VPS13A: variants seen among roughly 807,000 people sequenced by gnomAD.
VPS13A encodes vacuolar protein sorting 13 homolog A.
A neutral mutation model predicts 390.9 loss-of-function variants in VPS13A; 264 were observed. The observed-to-expected ratio is 0.68, with a 90% CI of 0.61 to 0.75. The LOEUF (loss-of-function observed/expected upper bound fraction) is 0.75, where lower values mean the gene tolerates loss of function less well. VPS13A is among the 30% of genes least tolerant of loss of function. The pLI is 0.00. For synonymous variants in VPS13A, 1,231 were observed against 1,227.1 expected (o/e 1.00, Z -0.07); for missense variants, 3,409 against 3,733.9 (o/e 0.91, Z 2.27).
chr9:77,237,264 CA>C, intron 17 of VPS13A, among the ~76,000 whole-genome samples: 1 of 152,206 alleles, frequency 6.6e-6, no homozygotes, highest in East Asian at 1.9e-4. Context: ...TAATTTTCAC[CA>C]GTTCTTTCCC....
At chr9:77,246,016 G>A (rs938885425) in intron 19 of VPS13A, among the ~76,000 whole-genome samples, 1 of 152,174 alleles carries the variant, frequency 6.6e-6, no homozygotes, top group South Asian at 2.1e-4. Flanking sequence ...CTAAAAGAGC[G>A]AGAACTCACT....
Position 77,214,376 on chromosome 9 carries a change from T to C in VPS13A, c.744T>C (p.Gly248=), listed in dbSNP as rs1304123164. The C allele has an allele frequency of 1.9e-6, 3 of 1,612,690 alleles. No homozygotes were observed. The South Asian group carries it at 3.3e-5, about 18-fold the overall frequency. ...TCAATGAAAATATTGTTCCAGAAGG[T>C]TATGATTTTGGTAAGTACATTTTAT... is the stretch of plus-strand genomic sequence containing the variant. ...GIVNENIVPE[G]YDFVFRPISA... Residue 248 remains glycine, a synonymous_variant, in exon 10 of 72, where the codon GGT becomes GGC. Transcript: ENST00000360280.
At chr9:77,207,226 T>TAG (rs1315140843) in intron 5 of VPS13A, among the ~76,000 whole-genome samples, 1 of 89,826 alleles carries the variant, frequency 1.1e-5, no homozygotes, top group Non-Finnish European at 2.3e-5. Context: ...TATATATATA[T>TAG]ATATATATAT....
intron 67 of VPS13A, among the ~76,000 whole-genome samples, chr9:77,372,064 G>T (rs1382400106): frequency 6.7e-6 from 1 of 150,298 alleles, no homozygotes; most frequent in Non-Finnish European, 1.5e-5. Flanking sequence ...TTGGACATTT[G>T]GGTTGGTTCC....
chr9:77,339,382 T>TTC (rs1483901702), intron 47 of VPS13A, 134 bp from the exon 48 acceptor site: 1 of 808,020 alleles, frequency 1.2e-6, no homozygotes, highest in Non-Finnish European at 1.9e-6. Context: ...AACTTGAATG[T>TTC]AAGTCTTCTG....
At chr9:77,299,317 T>C (rs1048616392) in intron 33 of VPS13A, among the ~76,000 whole-genome samples, 1 of 152,094 alleles carries the variant, frequency 6.6e-6, no homozygotes, top group Middle Eastern at 3.2e-3. Flanking sequence ...TAGCTTGATG[T>C]GAATAGCATT....
intron 34 of VPS13A, among the ~76,000 whole-genome samples, chr9:77,303,710 A>C (rs1451552215): frequency 6.6e-6 from 1 of 152,180 alleles, no homozygotes; most frequent in African/African-American, 2.4e-5. Context: ...TCTATGTCAT[A>C]ATTAAGTTCA....
chr9:77,384,741 A>C, intron 68 of VPS13A: 11 of 1,549,730 alleles, frequency 7.1e-6, no homozygotes, highest in Non-Finnish European at 8.7e-6. Flanking sequence ...TGTATGACTT[A>C]TACCATAATG....
At chr9:77,359,732 C>T (rs1832034618) in intron 58 of VPS13A, among the ~76,000 whole-genome samples, 1 of 150,828 alleles carries the variant, frequency 6.6e-6, no homozygotes, top group South Asian at 2.1e-4. Flanking sequence ...GCACGAGAAT[C>T]GCTTGAACCC....
chr9:77,394,985 G>C (rs1049227045), intron 68 of VPS13A, among the ~76,000 whole-genome samples: 1 of 152,130 alleles, frequency 6.6e-6, no homozygotes, highest in African/African-American at 2.4e-5. Context: ...CCACTAAAAC[G>C]TTCTCCATAT....
chr9:77,267,875 G>T (rs1370134313), intron 23 of VPS13A, among the ~76,000 whole-genome samples: 7 of 152,248 alleles, frequency 4.6e-5, no homozygotes, highest in African/African-American at 1.7e-4. Flanking sequence ...CAAAGTGGAG[G>T]AGTCTAGAGA....
intron 38 of VPS13A, among the ~76,000 whole-genome samples, 154 bp downstream of exon 38, chr9:77,315,624 G>A (rs1829338150): frequency 6.6e-6 from 1 of 150,422 alleles, no homozygotes; most frequent in Admixed American, 6.6e-5. Flanking sequence ...GTGTTTTCTT[G>A]GAGGATGTAT....
chr9:77,367,773 G>T (rs1374239647), intron 61 of VPS13A, among the ~76,000 whole-genome samples: 1 of 152,176 alleles, frequency 6.6e-6, no homozygotes, highest in Non-Finnish European at 1.5e-5. Context: ...ACATGAATGG[G>T]ATTCACAGGA....
intron 34 of VPS13A, among the ~76,000 whole-genome samples, chr9:77,306,140 C>G (rs963733204): frequency 2.8e-4 from 43 of 151,954 alleles, no homozygotes; most frequent in African/African-American, 1.0e-3. Context: ...AAAAAAACCC[C>G]AAACATTAGT....
intron 14 of VPS13A, 43 bp downstream of exon 14, chr9:77,226,031 C>T (rs1196609634): frequency 1.3e-6 from 2 of 1,521,710 alleles, no homozygotes; most frequent in Non-Finnish European, 1.8e-6. Context: ...TTCTGAATTC[C>T]ATATAGATAT....
chr9:77,382,117 ATTAAT>A, intron 68 of VPS13A, 30 bp downstream of exon 68: 1 of 1,547,010 alleles, frequency 6.5e-7, no homozygotes, highest in Non-Finnish European at 8.9e-7. Context: ...ATAAATTAAG[ATTAAT>A]TTAGTCAAGT....
chr9:77,247,423 A>G, intron 20 of VPS13A, 28 bp downstream of exon 20: 1 of 1,578,408 alleles, frequency 6.3e-7, no homozygotes, highest in Non-Finnish European at 8.6e-7. Context: ...TTGATTTATG[A>G]TACAGCATTT....
intron 68 of VPS13A, chr9:77,395,991 T>C (rs888360927): frequency 5.3e-5 from 8 of 152,204 alleles, no homozygotes; most frequent in African/African-American, 1.4e-4. Flanking sequence ...AAAGAAATGT[T>C]ACTGCTGCTT....
At chr9:77,388,757 G>A (rs1323522223) in intron 68 of VPS13A, among the ~76,000 whole-genome samples, 1 of 152,082 alleles carries the variant, frequency 6.6e-6, no homozygotes, top group Non-Finnish European at 1.5e-5. Context: ...AGTATACCCA[G>A]TTTGTCGTAA....
Sources: allele counts gnomAD v4.1 joint callset (sites outside exome capture counted in the v4.1 genomes callset), GRCh38; gene constraint gnomAD v4.1.1; transcripts MANE v1.5; gene names NCBI Gene and HGNC (gene_info 2026-07-23, HGNC 2026-07-21).